Variants in PCOLCE2 observed in about 807,000 individuals in gnomAD.
PCOLCE2 encodes the protein procollagen C-proteinase enhancer 2.
A neutral mutation model predicts 47.0 loss-of-function variants in PCOLCE2; 42 were observed. The ratio of observed to expected loss-of-function variants is 0.89; its 90% CI spans 0.70 to 1.16. PCOLCE2 has a LOEUF of 1.16. Ranked by LOEUF, PCOLCE2 falls within the 50% of genes most tolerant of loss-of-function variation. The pLI, the probability that PCOLCE2 is intolerant of heterozygous loss-of-function variation, is 0.00. For missense variants in PCOLCE2, 500 were observed against 526.1 expected (o/e 0.95, Z 0.49); for synonymous variants, 169 against 191.7 (o/e 0.88, Z 0.98).
intron 2 of PCOLCE2, among the ~76,000 whole-genome samples, chr3:142,882,284 C>T (rs1367255401): frequency 4.6e-5 from 7 of 152,096 alleles, no homozygotes; most frequent in Admixed American, 6.5e-5. Flanking sequence ...TTGCTGCAAG[C>T]GATCTTCCTC....
chr3:142,881,603 C>T (rs867983305), intron 2 of PCOLCE2, among the ~76,000 whole-genome samples: 1 of 152,070 alleles, frequency 6.6e-6, no homozygotes. Context: ...TCCTAGGCTA[C>T]GACACTGTAC....
chr3:142,825,419 G>A (rs989025655), intron 6 of PCOLCE2, among the ~76,000 whole-genome samples: 23 of 151,958 alleles, frequency 1.5e-4, no homozygotes, highest in African/African-American at 5.1e-4. Flanking sequence ...GCCCTCCCTG[G>A]CTGTGTTCCC....
intron 2 of PCOLCE2, among the ~76,000 whole-genome samples, chr3:142,872,832 A>T (rs150433100): frequency 1.3e-5 from 2 of 152,336 alleles, no homozygotes; most frequent in East Asian, 3.9e-4. Context: ...AAGTATCATC[A>T]TCAAAAGGAT....
At chr3:142,883,712 A>C (rs1008658616) in intron 2 of PCOLCE2, among the ~76,000 whole-genome samples, 15 of 152,176 alleles carry the variant, frequency 9.9e-5, no homozygotes, top group African/African-American at 4.8e-5. Context: ...AAAAAAAAAA[A>C]ACACATATTT....
At chr3:142,869,863 C>A (rs1266717562) in intron 2 of PCOLCE2, among the ~76,000 whole-genome samples, 2 of 152,206 alleles carry the variant, frequency 1.3e-5, no homozygotes, top group African/African-American at 4.8e-5. Flanking sequence ...TGTGGCCCAA[C>A]CAACTGGGGC....
intron 7 of PCOLCE2, among the ~76,000 whole-genome samples, chr3:142,823,236 A>G (rs1937034971): frequency 6.6e-6 from 1 of 152,256 alleles, no homozygotes; most frequent in Admixed American, 6.5e-5. Context: ...TATATAAGGA[A>G]AAAAGTACAT....
chr3:142,878,646 G>C (rs1012412930), intron 2 of PCOLCE2, among the ~76,000 whole-genome samples: 3 of 152,152 alleles, frequency 2.0e-5, no homozygotes, highest in Non-Finnish European at 4.4e-5. Context: ...ACTGACTTGA[G>C]GTCAGGAGTT....
chr3:142,850,529 T>C (rs1435207321), intron 2 of PCOLCE2, among the ~76,000 whole-genome samples: 2 of 151,860 alleles, frequency 1.3e-5, no homozygotes, highest in African/African-American at 4.8e-5. Context: ...GCAACCAAAG[T>C]GTGTGGCGTC....
intron 4 of PCOLCE2, among the ~76,000 whole-genome samples, chr3:142,840,750 T>TA (rs1434196370): frequency 1.3e-5 from 2 of 152,130 alleles, no homozygotes; most frequent in African/African-American, 4.8e-5. Context: ...TCCAGGTTAT[T>TA]AAAAAAATTG....
At chr3:142,825,541 CTA>C (rs1417460155) in intron 6 of PCOLCE2, among the ~76,000 whole-genome samples, 1 of 152,130 alleles carries the variant, frequency 6.6e-6, no homozygotes, top group Non-Finnish European at 1.5e-5. Flanking sequence ...TGTCTTCATG[CTA>C]TGGCTGTTCA....
chr3:142,824,245 C>T (rs565265822), intron 6 of PCOLCE2, among the ~76,000 whole-genome samples: 5 of 152,108 alleles, frequency 3.3e-5, no homozygotes, highest in Non-Finnish European at 5.9e-5. Flanking sequence ...GTACGGGTGA[C>T]GTTGCCCCCA....
intron 7 of PCOLCE2, among the ~76,000 whole-genome samples, chr3:142,822,565 A>C (rs1692591062): frequency 6.6e-6 from 1 of 152,190 alleles, no homozygotes; most frequent in African/African-American, 2.4e-5. Flanking sequence ...GTCTATAGTC[A>C]AGTGAAATCA....
chr3:142,830,457 CT>C (rs1937132734), intron 5 of PCOLCE2, among the ~76,000 whole-genome samples: 1 of 152,180 alleles, frequency 6.6e-6, no homozygotes, highest in Non-Finnish European at 1.5e-5. Context: ...ATGCAAAGGA[CT>C]TCCATTTCAT....
At position 142,848,204 on chromosome 3, in the gene PCOLCE2, G is replaced by A. The variant is rs774539973; in HGVS notation, c.448+13C>T. 3 of 1,610,522 alleles carry A rather than the reference G, an allele frequency of 1.9e-6. No individual in the cohort carries two copies. The highest frequency in any genetic ancestry group is 2.2e-5 in the East Asian group (1 of 44,780). Reference sequence around the variant, plus strand: ...ACATTACTGTTGTTATTGCCATTATGTGGAAACAGTACCTCTTTCGTTTGG... The same window carrying A: ...ACATTACTGTTGTTATTGCCATTATATGGAAACAGTACCTCTTTCGTTTGG... On this transcript the variant is annotated intron_variant, in intron 3 of 8. Transcript: ENST00000295992.
At chr3:142,872,905 T>G (rs1225364628) in intron 2 of PCOLCE2, among the ~76,000 whole-genome samples, 1 of 152,182 alleles carries the variant, frequency 6.6e-6, no homozygotes, top group Non-Finnish European at 1.5e-5. Flanking sequence ...AGTGCTTTTA[T>G]TTTCCCCCAA....
intron 2 of PCOLCE2, among the ~76,000 whole-genome samples, chr3:142,853,869 G>C (rs140237240): frequency 1.3e-5 from 2 of 152,208 alleles, no homozygotes; most frequent in African/African-American, 4.8e-5. Context: ...CGACGTTTGT[G>C]TTTTTTCCTA....
intron 2 of PCOLCE2, among the ~76,000 whole-genome samples, chr3:142,882,031 G>GTCA (rs796795220): frequency 9.7e-4 from 147 of 151,710 alleles, no homozygotes; most frequent in African/African-American, 3.3e-3. Context: ...CATCATCGTC[G>GTCA]TCATCATCAT....
intron 2 of PCOLCE2, among the ~76,000 whole-genome samples, chr3:142,852,951 T>C (rs186090472): frequency 1.3e-3 from 203 of 151,424 alleles, no homozygotes; most frequent in African/African-American, 4.8e-3. Flanking sequence ...CAAAAAATTT[T>C]AAAAATTAGC....
rs1438384465 is a variant in PCOLCE2 at position 142,842,435 on chromosome 3, C to G, written c.573+489G>C. Among the ~76,000 whole-genome samples the G allele has an allele frequency of 1.3e-5, 2 of 151,998 alleles. No homozygotes were observed. Among genetic ancestry groups the G allele is most frequent in the East Asian group, 3.9e-4 (2 of 5,180 alleles). ...GGAAATTAAATCCATGAATTTGCAA[C>G]TCAAAAAAATGCAAAGGCTAGGCCG... On this transcript the variant is annotated intron_variant, in intron 4 of 8. Transcript: ENST00000295992. The surrounding 1 kb of genome is among the most constrained non-coding windows in gnomAD (Gnocchi z 4.1).
Sources: gnomAD v4.1 joint callset for allele counts (sites outside exome capture counted in the v4.1 genomes callset) on GRCh38, gnomAD v4.1.1 for gene constraint, Gnocchi (gnomAD v3.1) non-coding constraint, MANE v1.5 for transcripts, NCBI Gene and HGNC (gene_info 2026-07-23, HGNC 2026-07-21) for gene names.